UCHL5: variants seen among roughly 807,000 people sequenced by gnomAD.
The protein encoded by UCHL5 is ubiquitin carboxyl-terminal hydrolase isozyme L5.
Under a neutral mutation model 53.8 loss-of-function variants are expected in UCHL5, and 34 were observed. The observed-to-expected ratio is 0.63, with a 90% confidence interval of 0.48 to 0.84. The LOEUF is 0.84. Ranked by LOEUF, UCHL5 falls within the 40% of genes least tolerant of loss-of-function variation. The pLI, the probability that UCHL5 is intolerant of heterozygous loss-of-function variation, is 0.00. For synonymous variants in UCHL5, 111 were observed against 126.3 expected (o/e 0.88, Z 0.81); for missense variants, 290 against 385.6 (o/e 0.75, Z 2.08).
Position 193,014,967 on chromosome 1 carries a change from T to C in UCHL5, c.*1384A>G, listed in dbSNP as rs929882781. On this transcript the variant is annotated 3_prime_UTR_variant, in exon 11 of 11. Transcript: ENST00000367454. ...GATGAGCCTTCCTTAAAAATCTATT[T>C]TTAAAAATTATATCATGGCTTTGAA... is the stretch of plus-strand genomic sequence containing the variant. The C allele has an allele frequency of 1.3e-5, 2 of 152,256 alleles. No homozygotes were observed. The highest frequency in any genetic ancestry group is 2.4e-5 in the African/African-American group (1 of 41,576). 9.4% of individuals were successfully genotyped at this position (152,256 alleles called of 1,614,324 possible). A position where few individuals can be genotyped will look rare whatever the true frequency, so the allele number is the denominator to read the frequency against.
At chr1:193,032,302 A>T (rs961267038) in intron 3 of UCHL5, among the ~76,000 whole-genome samples, 2 of 152,066 alleles carry the variant, frequency 1.3e-5, no homozygotes, top group Non-Finnish European at 2.9e-5. Context: ...AATAAATGGT[A>T]TTGGGAAAAC....
chr1:193,048,296 T>TA (rs1667961813), intron 3 of UCHL5, among the ~76,000 whole-genome samples: 1 of 152,154 alleles, frequency 6.6e-6, no homozygotes, highest in Admixed American at 6.5e-5. Context: ...AATTTTCAAG[T>TA]GAAAATTTAA....
At chr1:193,028,302 A>C (rs1660101318) in intron 6 of UCHL5, among the ~76,000 whole-genome samples, 154 bp from the exon 7 acceptor site, 1 of 152,158 alleles carries the variant, frequency 6.6e-6, no homozygotes. Context: ...TTTCAATTCC[A>C]TAAATAAATT....
chr1:193,020,435 T>A lies in UCHL5; in HGVS notation c.942+662A>T, dbSNP rs576844945. On this transcript the variant is annotated intron_variant, in intron 10 of 10. Coordinates refer to ENST00000367454, the MANE Select transcript of UCHL5 (RefSeq NM_001199261.3). ...ATCACTTGGGGAACTTATTAAAGAA[T>A]CCTTCCCCTATATCAGAATATCTGG... The A allele has an allele frequency of 1.0e-4, 158 of 1,544,854 alleles. 1 individual carries two copies. The African/African-American group carries it at 1.8e-3, about 18-fold the overall frequency.
chr1:193,052,741 TAA>T (rs1669455647), intron 1 of UCHL5, among the ~76,000 whole-genome samples: 1 of 152,202 alleles, frequency 6.6e-6, no homozygotes. Context: ...CAGCACACTT[TAA>T]GGGTCCACCA....
chr1:193,050,135 T>A (rs113941754), intron 2 of UCHL5, among the ~76,000 whole-genome samples: 2 of 152,234 alleles, frequency 1.3e-5, no homozygotes, highest in African/African-American at 4.8e-5. Context: ...ACTTAAAAAA[T>A]AAGAATATAG....
chr1:193,042,844 G>A (rs892904392), intron 3 of UCHL5, among the ~76,000 whole-genome samples: 3 of 152,116 alleles, frequency 2.0e-5, no homozygotes, highest in Non-Finnish European at 2.9e-5. Flanking sequence ...GTCTGCATCT[G>A]TAGGCTAGAG....
intron 3 of UCHL5, among the ~76,000 whole-genome samples, chr1:193,034,546 C>T (rs780393170): frequency 4.6e-5 from 7 of 151,968 alleles, no homozygotes; most frequent in Non-Finnish European, 7.4e-5. Flanking sequence ...TAATTTTACA[C>T]AAATTGTTCA....
At position 193,016,151 on chromosome 1, in the gene UCHL5, C is replaced by A; in HGVS notation, c.*200G>T. 2.0e-6 allele frequency: 1 copy of A among 512,806 alleles called. No individual in the cohort carries two copies. Among genetic ancestry groups the A allele is most frequent in the Non-Finnish European group, 3.4e-6 (1 of 292,390 alleles). The allele number at this position is 512,806 out of a possible 1,614,324, so 31.8% of individuals were successfully genotyped here. Reference sequence around the variant, plus strand: ...ATTTGGGAAAGCATTCTTAATATCACTTTCATTTAATATGCACTACATGCA... The same window carrying A: ...ATTTGGGAAAGCATTCTTAATATCAATTTCATTTAATATGCACTACATGCA... On this transcript the variant is annotated 3_prime_UTR_variant, in exon 11 of 11. Coordinates refer to ENST00000367454, the MANE Select transcript of UCHL5 (RefSeq NM_001199261.3).
intron 10 of UCHL5, chr1:193,018,542 G>A (rs926896331): frequency 9.6e-6 from 11 of 1,147,652 alleles, no homozygotes; most frequent in Middle Eastern, 3.5e-4. Flanking sequence ...CGAATTCATC[G>A]GTTAAAAAGT....
intron 10 of UCHL5, chr1:193,020,555 G>A: frequency 8.1e-7 from 1 of 1,234,116 alleles, no homozygotes; most frequent in East Asian, 3.0e-5. Context: ...CAATTTAACT[G>A]CATTTTACTT....
At chr1:193,042,531 T>C (rs566947012) in intron 3 of UCHL5, among the ~76,000 whole-genome samples, 2 of 152,334 alleles carry the variant, frequency 1.3e-5, no homozygotes, top group Non-Finnish European at 2.9e-5. Context: ...CGTCCTCACA[T>C]CTAATCTATT....
intron 6 of UCHL5, among the ~76,000 whole-genome samples, chr1:193,028,383 T>C (rs1297542014): frequency 6.6e-6 from 1 of 152,176 alleles, no homozygotes; most frequent in African/African-American, 2.4e-5. Context: ...TTGGATAAAC[T>C]ATTGGTTCTA....
chr1:193,014,099 A>G lies in UCHL5; in HGVS notation c.*2252T>C, dbSNP rs1475786971. On this transcript the variant is annotated 3_prime_UTR_variant, in exon 11 of 11. Transcript: ENST00000367454. ...TGAAATGAGCAAGATTTTCTATAAA[A>G]TATCATTTAAAAAAAACTTTCCAAA... The G allele has an allele frequency of 6.6e-6, 1 of 152,186 alleles. No homozygotes were observed. Among genetic ancestry groups the G allele is most frequent in the East Asian group, 1.9e-4 (1 of 5,200 alleles). 9.4% of individuals were successfully genotyped at this position (152,186 alleles called of 1,614,324 possible).
rs1476325898 is a variant in UCHL5 at position 193,059,190 on chromosome 1, C to A, written c.71G>T (p.Gly24Val). The change falls in exon 1 of 11, where the codon GGA becomes GTA. Residue 24 changes from glycine (G) to valine (V), a missense_variant. Transcript: ENST00000367454. This position sits in a 1 kb window ranked among gnomAD's most constrained non-coding sequence, Gnocchi z 4.9. ...ACGGTCCCCTTGGTTCTCACCGAAT[C>A]CTTTAATGAGCTCGGTGAAGACCCC... ...DPGVFTELIK[G>V]FGCRGAQVEE... The A allele has an allele frequency of 6.2e-7, 1 of 1,612,448 alleles. No individual in the cohort carries two copies. Among genetic ancestry groups the A allele is most frequent in the Non-Finnish European group, 8.5e-7 (1 of 1,179,308 alleles).
rs540136974 is a variant in UCHL5 at position 193,026,249 on chromosome 1, C to A, written c.629+1836G>T. On this transcript the variant is annotated intron_variant, in intron 7 of 10. Coordinates refer to ENST00000367454, the MANE Select transcript of UCHL5 (RefSeq NM_001199261.3). Reference sequence around the variant, plus strand: ...GGTATCTACACCGAGACAAAGAATTCTTAGACTGAAAACAAAAACACAATT... The same window carrying A: ...GGTATCTACACCGAGACAAAGAATTATTAGACTGAAAACAAAAACACAATT... Among the ~76,000 whole-genome samples, 9 of 151,966 alleles carry A rather than the reference C, an allele frequency of 5.9e-5. No individual in the cohort carries two copies. The East Asian group carries it at 1.7e-3, about 29-fold the overall frequency.
intron 3 of UCHL5, among the ~76,000 whole-genome samples, chr1:193,043,155 A>AAAAAAAAAAAAAAC (rs1666201946): frequency 7.7e-6 from 1 of 129,094 alleles, no homozygotes; most frequent in Non-Finnish European, 1.6e-5. Flanking sequence ...GAATATTAAA[A>AAAAAAAAAAAAAAC]AAAAAAAAAA....
At chr1:193,052,960 G>T (rs1217764456) in intron 1 of UCHL5, among the ~76,000 whole-genome samples, 3 of 152,000 alleles carry the variant, frequency 2.0e-5, no homozygotes, top group Admixed American at 1.3e-4. Context: ...AAAAACAGTG[G>T]TTAAAAAAGA....
At chr1:193,036,101 A>G (rs1663281357) in intron 3 of UCHL5, among the ~76,000 whole-genome samples, 1 of 151,902 alleles carries the variant, frequency 6.6e-6, no homozygotes, top group African/African-American at 2.4e-5. Context: ...AACAACCAGA[A>G]AACAAGCAAC....
Sources: gnomAD v4.1 joint callset for allele counts (sites outside exome capture counted in the v4.1 genomes callset) on GRCh38, gnomAD v4.1.1 for gene constraint, Gnocchi (gnomAD v3.1) non-coding constraint, MANE v1.5 for transcripts, NCBI Gene and HGNC (gene_info 2026-07-23, HGNC 2026-07-21) for gene names.